The following GSE1 variants were observed in gnomAD, a reference collection of about 807,000 sequenced individuals.
The protein encoded by GSE1 is genetic suppressor element 1.
Under a neutral mutation model 112.6 loss-of-function variants are expected in GSE1, and 32 were observed. The observed-to-expected ratio is 0.28, with a 90% CI of 0.21 to 0.38. The LOEUF is 0.38. GSE1 is among the 10% of genes least tolerant of loss of function. The pLI is 1.00. For missense variants in GSE1, 2,348 were observed against 1,699.2 expected, an observed-to-expected ratio of 1.38 and a Z score of -6.71; for synonymous variants, 1,115 against 735.6, an observed-to-expected ratio of 1.52 and a Z score of -8.35.
chr16:85,612,093 G>A (rs1338508132), upstream of GSE1, among the ~76,000 whole-genome samples: 1 of 152,002 alleles, frequency 6.6e-6, no homozygotes, highest in African/African-American at 2.4e-5. Flanking sequence ...AGAGGATGAG[G>A]AGGGAGCGAC....
intron 1 of GSE1, among the ~76,000 whole-genome samples, chr16:85,624,005 CCA>C (rs2048906338): frequency 6.6e-6 from 1 of 152,206 alleles, no homozygotes; most frequent in Non-Finnish European, 1.5e-5. Flanking sequence ...TCTCTCCCTC[CCA>C]CTTACCTGAG....
At chr16:85,207,012 A>T (rs1462608530) in intron 1 of GSE1, among the ~76,000 whole-genome samples, 3 of 152,148 alleles carry the variant, frequency 2.0e-5, no homozygotes, top group Non-Finnish European at 4.4e-5. Context: ...CCTCGCAGTG[A>T]CATGTTTATT....
intron 1 of GSE1, among the ~76,000 whole-genome samples, chr16:85,234,102 G>T (rs935541655): frequency 3.3e-5 from 5 of 152,176 alleles, no homozygotes; most frequent in Non-Finnish European, 5.9e-5. Context: ...CATTGTAGGC[G>T]TCTGGTTCTG....
intron 2 of GSE1, among the ~76,000 whole-genome samples, chr16:85,449,073 G>A (rs536748147): frequency 1.3e-5 from 2 of 152,208 alleles, no homozygotes; most frequent in Non-Finnish European, 2.9e-5. Flanking sequence ...GAGCCGGGCT[G>A]GAAACCGGGC....
At chr16:85,570,635 G>A (rs58633769) in intron 1 of GSE1, among the ~76,000 whole-genome samples, 5,895 of 152,266 alleles carry the variant, frequency 0.039, 385 homozygotes, top group African/African-American at 0.13. Context: ...GGGGTGAGCC[G>A]CGTGGGAGGA....
chr16:85,552,326 T>C (rs1165075013), upstream of GSE1, among the ~76,000 whole-genome samples: 23 of 52,030 alleles, frequency 4.4e-4, no homozygotes, highest in Admixed American at 1.0e-3. Flanking sequence ...CACCCGCCCC[T>C]CCTTTTTTTT....
chr16:85,321,963 CT>C (rs1454584045), intron 1 of GSE1, among the ~76,000 whole-genome samples: 7 of 152,210 alleles, frequency 4.6e-5, no homozygotes, highest in Admixed American at 1.3e-4. Context: ...CCAAGTCCAG[CT>C]TCCTGACCGC....
intron 2 of GSE1, among the ~76,000 whole-genome samples, chr16:85,529,278 G>A (rs1455268261): frequency 2.0e-5 from 3 of 152,218 alleles, no homozygotes; most frequent in African/African-American, 7.2e-5. Context: ...CGGTGGCTCC[G>A]TGGCAAGCGA....
intron 2 of GSE1, among the ~76,000 whole-genome samples, chr16:85,478,879 C>A (rs2050557844): frequency 1.7e-5 from 1 of 58,434 alleles, no homozygotes; most frequent in African/African-American, 1.3e-4. Flanking sequence ...TTCTTTCTTT[C>A]TTTCTTTCTT....
chr16:85,390,950 G>A (rs66907603), intron 2 of GSE1, among the ~76,000 whole-genome samples: 3,521 of 152,328 alleles, frequency 0.023, 65 homozygotes, highest in Non-Finnish European at 0.04. Flanking sequence ...CGGGCAACGC[G>A]GGGAACTGAT....
Position 85,561,987 on chromosome 16 carries a change from C to T in GSE1, c.37+5624C>T, listed in dbSNP as rs114390924. 5.5e-3 allele frequency among the ~76,000 whole-genome samples: 835 copies of T among 152,314 alleles called. 8 individuals carry two copies. The highest frequency in any genetic ancestry group is 0.019 in the African/African-American group (786 of 41,564). Reference sequence around the variant, plus strand: ...TTGGAGCCGAGGCGGGGACGGGGCACCCGCAGGGACCAAGGTCTTGCATAG... The same window carrying T: ...TTGGAGCCGAGGCGGGGACGGGGCATCCGCAGGGACCAAGGTCTTGCATAG... On this transcript the variant is annotated intron_variant, in intron 1 of 2. Coordinates refer to the GSE1 transcript ENST00000635906.
chr16:85,557,418 G>C (rs142812686), intron 1 of GSE1, among the ~76,000 whole-genome samples: 2 of 152,146 alleles, frequency 1.3e-5, no homozygotes, highest in Admixed American at 6.5e-5. Flanking sequence ...GGGTGGGGAG[G>C]GTGATGTGGG....
chr16:85,322,136 G>T (rs1004518260), intron 1 of GSE1, among the ~76,000 whole-genome samples: 3 of 152,236 alleles, frequency 2.0e-5, no homozygotes, highest in Non-Finnish European at 4.4e-5. Context: ...CTTCCAAGGC[G>T]CTCAGAGCAG....
At chr16:85,337,330 G>C (rs868723894) in intron 1 of GSE1, among the ~76,000 whole-genome samples, 17 of 148,276 alleles carry the variant, frequency 1.1e-4, no homozygotes, top group Middle Eastern at 3.5e-3. Flanking sequence ...TTTTGAGACG[G>C]AGTCTCGCTC....
chr16:85,666,774 T>C (rs188435909), intron 13 of GSE1, among the ~76,000 whole-genome samples: 23 of 152,338 alleles, frequency 1.5e-4, no homozygotes, highest in African/African-American at 5.1e-4. Context: ...AGGGTAGAGC[T>C]TCCCTTCCTT....
In GSE1 at chr16:85,213,164, G is replaced by T. The variant is rs2075254283; in HGVS notation, c.2283+41357G>T. ...CATGCCTGTAGTCCCAGCTATTTAG[G>T]AGGCTGAGGCAGGGGAATCTCTTGA... On this transcript the variant is annotated intron_variant, in intron 1 of 2. Coordinates refer to the GSE1 transcript ENST00000637419. 3.3e-5 allele frequency among the ~76,000 whole-genome samples: 5 copies of T among 151,818 alleles called. No homozygotes were observed. The South Asian group carries it at 1.0e-3, about 32-fold the overall frequency.
Position 85,251,631 on chromosome 16 carries a change from G to A in GSE1, c.2283+79824G>A, listed in dbSNP as rs1048502191. Among the ~76,000 whole-genome samples, 17 of 152,330 alleles carry A rather than the reference G, an allele frequency of 1.1e-4. No homozygotes were observed. In the East Asian group the frequency reaches 2.1e-3, roughly 19 times the overall value. ...CTGCCTGCCTGTGGTGGTGCCTCCC[G>A]GGCCTTGCTGGGCGGTCAGACCCTG... On this transcript the variant is annotated intron_variant, in intron 1 of 2. Transcript: ENST00000637419.
intron 2 of GSE1, among the ~76,000 whole-genome samples, chr16:85,433,036 T>TGATG (rs541943393): frequency 6.6e-6 from 1 of 151,534 alleles, no homozygotes; most frequent in Admixed American, 6.6e-5. Context: ...GGGGATCAGG[T>TGATG]GATGATAAGT....
Position 85,654,981 on chromosome 16 carries a change from C to A in GSE1, c.787C>A (p.Pro263Thr). The change falls in exon 5 of 16, where the codon CCG (proline) becomes ACG (threonine). Residue 263 changes from proline (P) to threonine (T), a missense_variant. By Grantham distance (38) the Pro-to-Thr change is conservative. Coordinates refer to ENST00000253458, the MANE Select transcript of GSE1 (RefSeq NM_014615.5). ...SYLAPHPFPH[P>T]AFRMDDSYCL... The stretch of plus-strand genomic sequence containing the variant: ...CCTGGCCCCACACCCCTTCCCCCAC[C>A]CGGCCTTCAGGTGAGGCATCCCCCA... The A allele has an allele frequency of 6.3e-7, 1 of 1,590,362 alleles. No homozygotes were observed. Among genetic ancestry groups the A allele is most frequent in the South Asian group, 1.1e-5 (1 of 89,062 alleles).
Sources: allele counts gnomAD v4.1 joint callset (sites outside exome capture counted in the v4.1 genomes callset), GRCh38; gene constraint gnomAD v4.1.1; transcripts MANE v1.5; gene names NCBI Gene and HGNC (gene_info 2026-07-23, HGNC 2026-07-21).